STK32B: variants seen among roughly 807,000 people sequenced by gnomAD.
STK32B encodes serine/threonine kinase 32B.
A neutral mutation model predicts 52.6 loss-of-function variants in STK32B; 43 were observed. The ratio of observed to expected loss-of-function variants is 0.82; its 90% confidence interval spans 0.64 to 1.05. The LOEUF (loss-of-function observed/expected upper bound fraction) is 1.05, where lower values mean the gene tolerates loss of function less well. Among genes scored for constraint, STK32B ranks in the 50% least tolerant of loss-of-function variants. The probability of loss-of-function intolerance (pLI) is 0.00; values close to 1 mark genes in which losing one functional copy is unlikely to be tolerated. For missense variants in STK32B, 621 were observed against 534.6 expected (o/e 1.16, Z -1.59); for synonymous variants, 238 against 204.3 (o/e 1.17, Z -1.41).
intron 6 of STK32B, among the ~76,000 whole-genome samples, chr4:5,446,151 C>A (rs183958169): frequency 6.6e-6 from 1 of 152,228 alleles, no homozygotes; most frequent in Non-Finnish European, 1.5e-5. Context: ...GCATTCCACC[C>A]GGTAGTGTCA....
intron 2 of STK32B, among the ~76,000 whole-genome samples, chr4:5,141,270 C>T (rs150612610): frequency 2.2e-3 from 335 of 152,264 alleles, no homozygotes; most frequent in Admixed American, 3.8e-3. Flanking sequence ...GTGTCAGGGA[C>T]GTCCTTGATA....
intron 1 of STK32B, among the ~76,000 whole-genome samples, chr4:5,129,329 C>T (rs1003870903): frequency 5.3e-5 from 8 of 152,194 alleles, no homozygotes; most frequent in Admixed American, 4.6e-4. Context: ...GGTCTGTTAA[C>T]GTCCAAAGCT....
chr4:5,457,185 A>G (rs1716607528), intron 8 of STK32B, among the ~76,000 whole-genome samples: 1 of 150,984 alleles, frequency 6.6e-6, no homozygotes, highest in South Asian at 2.1e-4. Context: ...TAATAAACGG[A>G]AATAATGCAT....
rs927735224 is a variant in STK32B, at chr4:5,460,039, C to T, written c.784-64C>T. ...TTAATTGCCCTGAGACCCCCTCCTT[C>T]AGAGTCCCCGCTAACCTTGAGGGAT... On this transcript the variant is annotated intron_variant, in intron 8 of 11. Coordinates refer to ENST00000282908, the MANE Select transcript of STK32B (RefSeq NM_018401.3). This position sits in a 1 kb window ranked among gnomAD's most constrained non-coding sequence, Gnocchi z 4.8. The T allele has an allele frequency of 6.2e-7, 1 of 1,613,180 alleles. No individual in the cohort carries two copies. Among genetic ancestry groups the T allele is most frequent in the Non-Finnish European group, 8.5e-7 (1 of 1,179,432 alleles).
At chr4:5,169,458 A>G (rs1719162152) in intron 3 of STK32B, among the ~76,000 whole-genome samples, 4 of 152,132 alleles carry the variant, frequency 2.6e-5, no homozygotes, top group Admixed American at 2.0e-4. Flanking sequence ...AGCTTTGCAC[A>G]TACTTGACCA....
At chr4:5,318,805 AT>A (rs71742049) in intron 3 of STK32B, among the ~76,000 whole-genome samples, 34,553 of 146,864 alleles carry the variant, frequency 0.24, 6,437 homozygotes, top group African/African-American at 0.53. Flanking sequence ...AATAGCAAGT[AT>A]TTTTTTTTTT....
At chr4:5,272,100 C>T (rs1314401483) in intron 3 of STK32B, among the ~76,000 whole-genome samples, 2 of 147,380 alleles carry the variant, frequency 1.4e-5, no homozygotes, top group East Asian at 2.0e-4. Flanking sequence ...AAAGGGAATG[C>T]TTCCAGTTTT....
At position 5,421,255 on chromosome 4, in the gene STK32B, A is replaced by AT. The variant is rs574377364; in HGVS notation, c.562+4329dup. ...CAGGCACCCGCCACCACGCCTGGCT[A>AT]TTTTTTTTGTATTTTTAGTAGAGAC... is the stretch of plus-strand genomic sequence containing the variant. On this transcript the variant is annotated intron_variant, in intron 6 of 11. Transcript: ENST00000282908. Among the ~76,000 whole-genome samples the AT allele has an allele frequency of 1.3e-3, 190 of 151,558 alleles. 2 individuals carry two copies. In the South Asian group the frequency reaches 0.036, roughly 29 times the overall value.
At chr4:5,218,737 T>A (rs1026886155) in intron 3 of STK32B, among the ~76,000 whole-genome samples, 2 of 152,216 alleles carry the variant, frequency 1.3e-5, no homozygotes, top group African/African-American at 4.8e-5. Context: ...TAACACATTC[T>A]TTTTCCTTTA....
In STK32B at chr4:5,380,050, C is replaced by T. The variant is rs774933982; in HGVS notation, c.435-18157C>T. Among the ~76,000 whole-genome samples the T allele has an allele frequency of 6.6e-6, 1 of 152,128 alleles. No homozygotes were observed. The highest frequency in any genetic ancestry group is 6.5e-5 in the Admixed American group (1 of 15,272). ...AGACAGGCCCTGAGGAAAACCACTG[C>T]CTCGATCACGGGGCTATGCTCACTG... is the stretch of plus-strand genomic sequence containing the variant. On this transcript the variant is annotated intron_variant, in intron 4 of 11. Coordinates refer to ENST00000282908, the MANE Select transcript of STK32B (RefSeq NM_018401.3). This position sits in a 1 kb window ranked among gnomAD's most constrained non-coding sequence, Gnocchi z 4.3.
intron 11 of STK32B, among the ~76,000 whole-genome samples, chr4:5,485,671 T>TA (rs1719115113): frequency 6.6e-6 from 1 of 152,240 alleles, no homozygotes; most frequent in Non-Finnish European, 1.5e-5. Context: ...CTCTGCTTTT[T>TA]AGAGTTTCTA....
intron 7 of STK32B, among the ~76,000 whole-genome samples, chr4:5,455,550 G>A (rs1251536650): frequency 6.6e-6 from 1 of 152,178 alleles, no homozygotes; most frequent in African/African-American, 2.4e-5. Flanking sequence ...CTTTTCCGAA[G>A]CAAGAACTCA....
the STK32B span, among the ~76,000 whole-genome samples, chr4:5,031,649 T>C: frequency 6.6e-6 from 1 of 152,152 alleles, no homozygotes; most frequent in Non-Finnish European, 1.5e-5. Flanking sequence ...GGTGATTCAT[T>C]GCTTTTAAGG....
the STK32B span, among the ~76,000 whole-genome samples, chr4:5,023,994 A>G: frequency 6.6e-6 from 1 of 152,198 alleles, no homozygotes; most frequent in Non-Finnish European, 1.5e-5. Context: ...ATGAGACACC[A>G]AAGTCTGGGT....
intron 3 of STK32B, among the ~76,000 whole-genome samples, chr4:5,316,988 T>C (rs1454772976): frequency 2.5e-5 from 1 of 39,234 alleles, no homozygotes; most frequent in Non-Finnish European, 3.7e-5. Flanking sequence ...ATATATAATA[T>C]ATATGATATA....
chr4:5,232,797 C>T (rs1477967862), intron 3 of STK32B, among the ~76,000 whole-genome samples: 1 of 152,214 alleles, frequency 6.6e-6, no homozygotes, highest in Admixed American at 6.5e-5. Context: ...CTGCTTCCTT[C>T]CTGCCCTGTG....
At chr4:5,259,922 G>A (rs1726586756) in intron 3 of STK32B, among the ~76,000 whole-genome samples, 1 of 152,026 alleles carries the variant, frequency 6.6e-6, no homozygotes, top group Non-Finnish European at 1.5e-5. Context: ...AACAAGACCT[G>A]GGGGTGTGGT....
intron 11 of STK32B, among the ~76,000 whole-genome samples, chr4:5,483,995 G>A (rs549624039): frequency 6.6e-6 from 1 of 152,260 alleles, no homozygotes; most frequent in Admixed American, 6.5e-5. Flanking sequence ...GCTGAGGAGT[G>A]CTTTACTTCC....
Position 5,223,816 on chromosome 4 carries a change from C to CAAAAAA in STK32B, c.260+55380_260+55385dup, listed in dbSNP as rs1230344719. Among the ~76,000 whole-genome samples, 4 of 100,680 alleles carry CAAAAAA rather than the reference C, an allele frequency of 4.0e-5. No homozygotes were observed. In the East Asian group the frequency reaches 9.4e-4, roughly 24 times the overall value. 66.0% of individuals were successfully genotyped at this position (100,680 alleles called of 152,430 possible). ...TGGGAGACAGAGCAAGACTCCGTTTCAAAAAAAAAAAAAAAAAAAGTAACA... is the reference window on the plus strand; with the variant it reads ...TGGGAGACAGAGCAAGACTCCGTTTCAAAAAAAAAAAAAAAAAAAAAAAAAGTAACA... On this transcript the variant is annotated intron_variant, in intron 3 of 11. Coordinates refer to ENST00000282908, the MANE Select transcript of STK32B (RefSeq NM_018401.3).
Sources: gnomAD v4.1 joint callset for allele counts (sites outside exome capture counted in the v4.1 genomes callset) on GRCh38, gnomAD v4.1.1 for gene constraint, Gnocchi (gnomAD v3.1) non-coding constraint, MANE v1.5 for transcripts, NCBI Gene and HGNC (gene_info 2026-07-23, HGNC 2026-07-21) for gene names.